Variants in TP63 observed in about 807,000 individuals in gnomAD.
TP63 encodes tumor protein 63.
Under a neutral mutation model 82.8 loss-of-function variants are expected in TP63, and 17 were observed. The observed-to-expected ratio is 0.21, with a 90% CI of 0.14 to 0.31. TP63 has a LOEUF of 0.31. Among genes scored for constraint, TP63 ranks in the 10% least tolerant of loss-of-function variants. The pLI is 1.00. For missense variants in TP63, 648 were observed against 895.3 expected (o/e 0.72, Z 3.52); for synonymous variants, 330 against 321.7 (o/e 1.03, Z -0.28).
At chr3:189,885,694 T>A (rs1444993957) in intron 10 of TP63, among the ~76,000 whole-genome samples, 1 of 152,220 alleles carries the variant, frequency 6.6e-6, no homozygotes, top group Non-Finnish European at 1.5e-5. Flanking sequence ...CTATTGGGTT[T>A]TTCTGTTGCT....
Position 189,774,517 on chromosome 3 carries a change from C to T in TP63, c.325-33755C>T, listed in dbSNP as rs1191225232. ...ATGTGCACCTGTGTTTGAAGGGGGC[C>T]TTGCAGTAAGTAGAACATAAAGATA... On this transcript the variant is annotated intron_variant, in intron 3 of 13. Transcript: ENST00000264731. Among the ~76,000 whole-genome samples, 5 of 152,086 alleles carry T rather than the reference C, an allele frequency of 3.3e-5. 1 individual carries two copies. Among genetic ancestry groups the T allele is most frequent in the African/African-American group, 1.2e-4 (5 of 41,406 alleles).
At chr3:189,671,957 A>G (rs1462908099) in intron 1 of TP63, among the ~76,000 whole-genome samples, 2 of 152,102 alleles carry the variant, frequency 1.3e-5, no homozygotes, top group East Asian at 3.9e-4. Context: ...AGTAGGAAGA[A>G]TAAGTTCTAT....
At chr3:189,759,066 A>G (rs553370199) in intron 3 of TP63, among the ~76,000 whole-genome samples, 1 of 152,236 alleles carries the variant, frequency 6.6e-6, no homozygotes, top group African/African-American at 2.4e-5. Flanking sequence ...GCAGTTGAGC[A>G]CACCAATATA....
At chr3:189,735,632 T>C (rs1482596739) in intron 1 of TP63, among the ~76,000 whole-genome samples, 1 of 152,224 alleles carries the variant, frequency 6.6e-6, no homozygotes, top group African/African-American at 2.4e-5. Context: ...CCATTGATTT[T>C]GCCCTTTTGT....
the TP63 span, among the ~76,000 whole-genome samples, chr3:189,623,067 G>C: frequency 7.6e-4 from 116 of 152,234 alleles, no homozygotes; most frequent in African/African-American, 2.7e-3. Context: ...TGTGAGCTGT[G>C]TTCCCTAGGT....
intron 4 of TP63, among the ~76,000 whole-genome samples, chr3:189,846,834 G>A (rs1714947078): frequency 6.6e-6 from 1 of 151,446 alleles, no homozygotes; most frequent in African/African-American, 2.4e-5. Context: ...TTACAGGTGT[G>A]CATCACCACA....
At chr3:189,646,984 A>C (rs1329431939) in intron 1 of TP63, among the ~76,000 whole-genome samples, 1 of 147,386 alleles carries the variant, frequency 6.8e-6, no homozygotes, top group Non-Finnish European at 1.5e-5. Context: ...GCTTAGTTTC[A>C]ACCAGTGAAA....
chr3:189,682,858 G>C (rs1219312848), intron 1 of TP63, among the ~76,000 whole-genome samples: 1 of 151,800 alleles, frequency 6.6e-6, no homozygotes, highest in Non-Finnish European at 1.5e-5. Context: ...AGAACTCTTG[G>C]GGAGAGTGAA....
chr3:189,786,401 C>T (rs1353016099), intron 3 of TP63, among the ~76,000 whole-genome samples: 1 of 150,818 alleles, frequency 6.6e-6, no homozygotes, highest in Non-Finnish European at 1.5e-5. Flanking sequence ...CACCAAAAAG[C>T]AAACCATAAT....
intron 3 of TP63, among the ~76,000 whole-genome samples, chr3:189,768,732 G>C (rs1225848787): frequency 3.3e-5 from 5 of 152,150 alleles, no homozygotes; most frequent in Admixed American, 1.3e-4. Flanking sequence ...GTTGTTATAA[G>C]AGAATGTACT....
At chr3:189,818,290 A>G (rs566401392) in intron 4 of TP63, among the ~76,000 whole-genome samples, 4 of 152,182 alleles carry the variant, frequency 2.6e-5, no homozygotes, top group African/African-American at 9.6e-5. Context: ...TCATCAAGTA[A>G]GTAATAGATA....
intron 4 of TP63, among the ~76,000 whole-genome samples, chr3:189,850,029 G>A (rs2056124): frequency 1.3e-5 from 2 of 152,080 alleles, no homozygotes; most frequent in African/African-American, 2.4e-5. Flanking sequence ...CCTATAATCC[G>A]AGTACTTTGA....
At chr3:189,776,142 C>T (rs1475952868) in intron 3 of TP63, among the ~76,000 whole-genome samples, 2 of 152,180 alleles carry the variant, frequency 1.3e-5, no homozygotes, top group African/African-American at 4.8e-5. Flanking sequence ...CACTTATTTT[C>T]AATCTTTGGA....
chr3:189,733,675 A>G (rs933724487), intron 1 of TP63, among the ~76,000 whole-genome samples: 3 of 152,158 alleles, frequency 2.0e-5, no homozygotes, highest in African/African-American at 7.2e-5. Flanking sequence ...ATTTTTTCCT[A>G]TATTTCAGTT....
intron 3 of TP63, among the ~76,000 whole-genome samples, chr3:189,750,014 C>A (rs961331484): frequency 6.6e-6 from 1 of 151,266 alleles, no homozygotes; most frequent in African/African-American, 2.4e-5. Flanking sequence ...GTCCCAGCTA[C>A]TCAGGAGGCT....
At chr3:189,662,336 A>T (rs1027745233) in intron 1 of TP63, among the ~76,000 whole-genome samples, 1 of 152,074 alleles carries the variant, frequency 6.6e-6, no homozygotes, top group Non-Finnish European at 1.5e-5. Context: ...GAAGTCATTC[A>T]GTAGCAAGTT....
At chr3:189,793,283 T>C (rs1274819927) in intron 3 of TP63, among the ~76,000 whole-genome samples, 5 of 152,022 alleles carry the variant, frequency 3.3e-5, no homozygotes, top group African/African-American at 7.2e-5. Context: ...GAAAACCGTG[T>C]TTGGTTTGGT....
intron 9 of TP63, among the ~76,000 whole-genome samples, chr3:189,871,312 C>G (rs548349442): frequency 2.0e-5 from 3 of 152,188 alleles, no homozygotes; most frequent in Non-Finnish European, 2.9e-5. Context: ...GGATACAATT[C>G]TTACTTTCAA....
At chr3:189,612,915 G>A in the TP63 span, among the ~76,000 whole-genome samples, 1 of 152,200 alleles carries the variant, frequency 6.6e-6, no homozygotes, top group Non-Finnish European at 1.5e-5. Flanking sequence ...AGGGTATTTG[G>A]CAGAAGAAAT....
Sources: gnomAD v4.1 joint callset for allele counts (sites outside exome capture counted in the v4.1 genomes callset) on GRCh38, gnomAD v4.1.1 for gene constraint, MANE v1.5 for transcripts, NCBI Gene and HGNC (gene_info 2026-07-23, HGNC 2026-07-21) for gene names.